Variants in PAPSS2 observed in about 807,000 individuals in gnomAD.
The protein encoded by PAPSS2 is bifunctional 3'-phosphoadenosine 5'-phosphosulfate synthase 2.
A neutral mutation model predicts 66.5 loss-of-function variants in PAPSS2; 61 were observed. The ratio of observed to expected loss-of-function variants is 0.92; its 90% CI spans 0.75 to 1.14. The LOEUF is 1.14. Ranked by LOEUF, PAPSS2 falls within the 50% of genes most tolerant of loss-of-function variation. The pLI is 0.00. For missense variants in PAPSS2, 708 were observed against 789.6 expected (o/e 0.90, Z 1.24); for synonymous variants, 289 against 287.5 (o/e 1.01, Z -0.05).
At chr10:87,713,456 C>G (rs529597504) in intron 3 of PAPSS2, 146 bp downstream of exon 3, 1 of 645,716 alleles carries the variant, frequency 1.5e-6, no homozygotes, top group African/African-American at 1.8e-5. Context: ...CCCCCAATAA[C>G]AGGCTCTCTC....
intron 8 of PAPSS2, among the ~76,000 whole-genome samples, chr10:87,725,550 G>A (rs539799566): frequency 1.7e-4 from 26 of 152,308 alleles, no homozygotes; most frequent in African/African-American, 6.3e-4. Flanking sequence ...AGCAAGACCT[G>A]TGATTCCCAG....
intron 9 of PAPSS2, among the ~76,000 whole-genome samples, chr10:87,735,332 T>A (rs1853783641): frequency 6.6e-6 from 1 of 152,128 alleles, no homozygotes; most frequent in Non-Finnish European, 1.5e-5. Flanking sequence ...TTTTAACATC[T>A]CTCTTCAAAC....
rs75805470 is a variant in PAPSS2 at position 87,711,749 on chromosome 10, C to G, written c.146-1326C>G. On this transcript the variant is annotated intron_variant, in intron 2 of 12. Transcript: ENST00000456849. ...ACCTTTTGCAGATCACCTTCCCCCCCACCCAAATCCTCCTTCCTCTGTCTG... is the reference window on the plus strand; with the variant it reads ...ACCTTTTGCAGATCACCTTCCCCCCGACCCAAATCCTCCTTCCTCTGTCTG... 3.3e-3 allele frequency among the ~76,000 whole-genome samples: 499 copies of G among 152,270 alleles called. 8 individuals are homozygous for G. In the East Asian group the frequency reaches 0.038, roughly 11 times the overall value.
chr10:87,713,311 G>GT lies in PAPSS2; in HGVS notation c.381+2dup, dbSNP rs752546729. On this transcript the variant is annotated splice_donor_variant, in intron 3 of 12. Coordinates refer to ENST00000456849, the MANE Select transcript of PAPSS2 (RefSeq NM_001015880.2). LOFTEE classifies it high-confidence loss of function. ...CAGCTTTATTTCTCCATTCGCAAAG[G>GT]TAAAAAAAAAAAAAAAAAAAAAAGG... 1.1e-5 allele frequency: 5 copies of GT among 444,808 alleles called. No individual in the cohort carries two copies. The highest frequency in any genetic ancestry group is 1.6e-5 in the Non-Finnish European group (5 of 316,170). 27.6% of individuals were successfully genotyped at this position (444,808 alleles called of 1,614,324 possible). A position where few individuals can be genotyped will look rare whatever the true frequency, so the allele number is the denominator to read the frequency against.
intron 8 of PAPSS2, among the ~76,000 whole-genome samples, chr10:87,726,190 G>T (rs1274042790): frequency 6.6e-6 from 1 of 152,176 alleles, no homozygotes; most frequent in Non-Finnish European, 1.5e-5. Flanking sequence ...CCAGCATTTT[G>T]GGAGGCTGAG....
intron 9 of PAPSS2, among the ~76,000 whole-genome samples, chr10:87,740,149 C>T (rs149628895): frequency 2.7e-4 from 41 of 151,992 alleles, no homozygotes; most frequent in African/African-American, 8.7e-4. Flanking sequence ...TCAAGGAAAA[C>T]AGCTGAGAGT....
rs367885911 is a variant in PAPSS2, at chr10:87,713,312, TAAAAAAAAAAAA to T, written c.381+13_381+24del. 3 of 573,438 alleles carry T rather than the reference TAAAAAAAAAAAA, an allele frequency of 5.2e-6. 1 individual carries two copies. Among genetic ancestry groups the T allele is most frequent in the African/African-American group, 6.5e-5 (2 of 30,812 alleles). The allele number at this position is 573,438 out of a possible 1,614,324, so 35.5% of individuals were successfully genotyped here. Reference sequence around the variant, plus strand: ...AGCTTTATTTCTCCATTCGCAAAGGTAAAAAAAAAAAAAAAAAAAAAAGGCACTACACACGAT... The same window carrying T: ...AGCTTTATTTCTCCATTCGCAAAGGTAAAAAAAAAAGGCACTACACACGAT... On this transcript the variant is annotated splice_donor_5th_base_variant and intron_variant, in intron 3 of 12. Transcript: ENST00000456849.
At chr10:87,703,104 C>T (rs142271033) in intron 1 of PAPSS2, among the ~76,000 whole-genome samples, 1 of 152,288 alleles carries the variant, frequency 6.6e-6, no homozygotes, top group African/African-American at 2.4e-5. Flanking sequence ...ATGGGTCAAA[C>T]CCAGGGCAAA....
intron 1 of PAPSS2, among the ~76,000 whole-genome samples, chr10:87,705,646 G>A (rs1853373138): frequency 6.6e-6 from 1 of 152,020 alleles, no homozygotes; most frequent in South Asian, 2.1e-4. Flanking sequence ...GCACTTCATG[G>A]TTCTTTACTG....
chr10:87,668,063 C>T (rs7088341), intron 1 of PAPSS2, among the ~76,000 whole-genome samples: 78,121 of 151,984 alleles, frequency 0.51, 20,191 homozygotes, highest in East Asian at 0.78. Context: ...ATCCGAGATT[C>T]TATCCCTATA....
chr10:87,673,196 G>A (rs1162448268), intron 1 of PAPSS2, among the ~76,000 whole-genome samples: 1 of 152,158 alleles, frequency 6.6e-6, no homozygotes, highest in African/African-American at 2.4e-5. Flanking sequence ...TGTGTTTGTT[G>A]TATTGTCATT....
intron 1 of PAPSS2, among the ~76,000 whole-genome samples, chr10:87,701,767 T>G (rs918240765): frequency 6.6e-6 from 1 of 152,124 alleles, no homozygotes; most frequent in Non-Finnish European, 1.5e-5. Context: ...TTGTCCAGAT[T>G]GTAGTTAATT....
At chr10:87,674,057 T>A (rs1467212021) in intron 1 of PAPSS2, among the ~76,000 whole-genome samples, 1 of 152,098 alleles carries the variant, frequency 6.6e-6, no homozygotes, top group Non-Finnish European at 1.5e-5. Flanking sequence ...TGTTCTACCC[T>A]TCCTGCAAGC....
At chr10:87,697,780 T>C (rs1320936937) in intron 1 of PAPSS2, among the ~76,000 whole-genome samples, 1 of 152,206 alleles carries the variant, frequency 6.6e-6, no homozygotes, top group East Asian at 1.9e-4. Flanking sequence ...TATCATCCAA[T>C]GGAAACTCCA....
At chr10:87,719,257 C>T (rs7080768) in intron 7 of PAPSS2, among the ~76,000 whole-genome samples, 59,430 of 152,008 alleles carry the variant, frequency 0.39, 11,908 homozygotes, top group South Asian at 0.49. Context: ...CGAAGTCACA[C>T]TGTCTAGGTT....
intron 1 of PAPSS2, among the ~76,000 whole-genome samples, chr10:87,688,776 G>C (rs1307777100): frequency 6.6e-6 from 1 of 151,982 alleles, no homozygotes; most frequent in East Asian, 1.9e-4. Flanking sequence ...AAATTTCTAA[G>C]AAACAAAAAC....
chr10:87,688,119 T>C (rs779874672), intron 1 of PAPSS2, among the ~76,000 whole-genome samples: 3 of 152,112 alleles, frequency 2.0e-5, no homozygotes, highest in Non-Finnish European at 2.9e-5. Flanking sequence ...GTAAAAATTA[T>C]TGTAGGCCTT....
chr10:87,710,895 C>T (rs571999234), intron 2 of PAPSS2, among the ~76,000 whole-genome samples: 206 of 152,058 alleles, frequency 1.4e-3, no homozygotes, highest in Non-Finnish European at 1.1e-3. Context: ...CCCAGCTGCT[C>T]GGGAAGCTGA....
chr10:87,717,464 T>C (rs3781187), intron 7 of PAPSS2, among the ~76,000 whole-genome samples: 76,276 of 151,966 alleles, frequency 0.5, 20,079 homozygotes, highest in East Asian at 0.71. Context: ...TAACAAAAAA[T>C]CTTAGAGGCA....
Sources: gnomAD v4.1 joint callset for allele counts (sites outside exome capture counted in the v4.1 genomes callset) on GRCh38, gnomAD v4.1.1 for gene constraint, MANE v1.5 for transcripts, NCBI Gene and HGNC (gene_info 2026-07-23, HGNC 2026-07-21) for gene names.